OTOF: variants seen among roughly 807,000 people sequenced by gnomAD.
OTOF encodes the protein fer-1-like family member 2.
OTOF carries 218 observed loss-of-function variants against 236.8 expected under a neutral mutation model. That is an observed-to-expected ratio of 0.92 (90% CI 0.82 to 1.03). The LOEUF (loss-of-function observed/expected upper bound fraction) is 1.03, where lower values mean the gene tolerates loss of function less well. Among genes scored for constraint, OTOF ranks in the 50% least tolerant of loss-of-function variants. The pLI is 0.00. For missense variants in OTOF, 2,590 were observed against 2,694.4 expected (o/e 0.96, Z 0.86); for synonymous variants, 1,041 against 1,072.5 (o/e 0.97, Z 0.57).
chr2:26,480,512 G>C lies in OTOF; in HGVS notation c.1804-201C>G, dbSNP rs1449943088. 2.0e-5 allele frequency among the ~76,000 whole-genome samples: 3 copies of C among 152,366 alleles called. No homozygotes were observed. In the East Asian group the frequency reaches 5.8e-4, roughly 29 times the overall value. On this transcript the variant is annotated intron_variant, in intron 15 of 46. Coordinates refer to ENST00000272371, the MANE Select transcript of OTOF (RefSeq NM_194248.3). Reference sequence around the variant, plus strand: ...GCAGGGCTGGCTGCAGACACCACAGGGACAGCCGTGGCTGGGAAGAGGGGC... The same window carrying C: ...GCAGGGCTGGCTGCAGACACCACAGCGACAGCCGTGGCTGGGAAGAGGGGC...
In OTOF at chr2:26,558,626, G is replaced by GTGCTCCACCGGCTA; in HGVS notation, c.-56_-55insTAGCCGGTGGAGCA. ...CAGGAGCAGCGGGAAGGAGCTAGCC[G>GTGCTCCACCGGCTA]GTGGAGCACGGCTCACACGCCTCTC... is the stretch of plus-strand genomic sequence containing the variant. On this transcript the variant is annotated 5_prime_UTR_variant, in exon 1 of 47. Coordinates refer to ENST00000272371, the MANE Select transcript of OTOF (RefSeq NM_194248.3). 1.4e-6 allele frequency: 2 copies of GTGCTCCACCGGCTA among 1,444,740 alleles called. No individual in the cohort carries two copies. Among genetic ancestry groups the GTGCTCCACCGGCTA allele is most frequent in the Non-Finnish European group, 1.9e-6 (2 of 1,027,828 alleles). 89.5% of individuals were successfully genotyped at this position (1,444,740 alleles called of 1,614,324 possible). A position where few individuals can be genotyped will look rare whatever the true frequency, so the allele number is the denominator to read the frequency against.
intron 29 of OTOF, 132 bp from the exon 30 acceptor site, chr2:26,472,781 A>G: frequency 1.1e-6 from 1 of 934,414 alleles, no homozygotes; most frequent in Admixed American, 2.0e-5. Context: ...ACAGGCAGTC[A>G]AGGGAGAAAA....
intron 3 of OTOF, 55 bp from the exon 4 acceptor site, chr2:26,519,164 C>G (rs372795522): frequency 1.7e-6 from 2 of 1,157,662 alleles, no homozygotes; most frequent in East Asian, 5.0e-5. Flanking sequence ...GGGTGAGGAG[C>G]AAGACTGACA....
Position 26,557,723 on chromosome 2 carries a change from G to A in OTOF, c.79+770C>T, listed in dbSNP as rs555947722. Reference sequence around the variant, plus strand: ...TTACTTCCTCCGGGAAGCCTTCCCTGACCACCGGTCACCAGCCTGGGTGAG... The same window carrying A: ...TTACTTCCTCCGGGAAGCCTTCCCTAACCACCGGTCACCAGCCTGGGTGAG... On this transcript the variant is annotated intron_variant, in intron 1 of 46. Transcript: ENST00000272371. Among the ~76,000 whole-genome samples, 3 of 151,778 alleles carry A rather than the reference G, an allele frequency of 2.0e-5. No individual in the cohort carries two copies. In the South Asian group the frequency reaches 6.3e-4, roughly 32 times the overall value.
Position 26,457,544 on chromosome 2 carries a change from G to T in OTOF, c.*694C>A, listed in dbSNP as rs1558461012. 1.9e-5 allele frequency: 3 copies of T among 153,988 alleles called. No individual in the cohort carries two copies. Among genetic ancestry groups the T allele is most frequent in the Admixed American group, 6.4e-5 (1 of 15,504 alleles). The allele number at this position is 153,988 out of a possible 1,614,324, so 9.5% of individuals were successfully genotyped here. A position where few individuals can be genotyped will look rare whatever the true frequency, so the allele number is the denominator to read the frequency against. On this transcript the variant is annotated 3_prime_UTR_variant, in exon 47 of 47. Coordinates refer to ENST00000272371, the MANE Select transcript of OTOF (RefSeq NM_194248.3). The surrounding 1 kb of genome is among the most constrained non-coding windows in gnomAD (Gnocchi z 4.4). ...AGCAGTGGCAGAAGCAGCCGCGCTGGGACTTGTGGGCAGGGTCTGGCCCCT... is the reference window on the plus strand; with the variant it reads ...AGCAGTGGCAGAAGCAGCCGCGCTGTGACTTGTGGGCAGGGTCTGGCCCCT...
Position 26,463,795 on chromosome 2 carries a change from G to A in OTOF, c.5103+169C>T, listed in dbSNP as rs569996257. On this transcript the variant is annotated intron_variant, in intron 40 of 46. Coordinates refer to ENST00000272371, the MANE Select transcript of OTOF (RefSeq NM_194248.3). The stretch of plus-strand genomic sequence containing the variant: ...TGATGTAATTCTCACTCAAAGCAAA[G>A]ACCCTTGCCATTCAAGTTACCCTGA... 5.3e-5 allele frequency among the ~76,000 whole-genome samples: 8 copies of A among 152,338 alleles called. No homozygotes were observed. In the South Asian group the frequency reaches 1.7e-3, roughly 32 times the overall value.
intron 36 of OTOF, 95 bp from the exon 37 acceptor site, chr2:26,466,171 G>T: frequency 6.7e-7 from 1 of 1,491,960 alleles, no homozygotes; most frequent in Non-Finnish European, 9.2e-7. Context: ...TGACAGTGAA[G>T]GGCAGGGGCA....
chr2:26,464,380 G>C (rs1664629417), intron 39 of OTOF, among the ~76,000 whole-genome samples: 1 of 151,828 alleles, frequency 6.6e-6, no homozygotes, highest in Admixed American at 6.6e-5. Context: ...GGTCAGGGAG[G>C]GGAGAATCCA....
intron 8 of OTOF, among the ~76,000 whole-genome samples, chr2:26,499,548 C>A (rs1469166895): frequency 2.0e-5 from 3 of 152,000 alleles, no homozygotes; most frequent in Admixed American, 6.6e-5. Flanking sequence ...CCCTCTGTTG[C>A]CCAGGTTGGA....
chr2:26,484,773 T>G, intron 11 of OTOF, 140 bp from the exon 12 acceptor site: 1 of 807,056 alleles, frequency 1.2e-6, no homozygotes, highest in Admixed American at 2.2e-5. Flanking sequence ...CAGCTCTGCC[T>G]GTCCCTAGCC....
chr2:26,534,980 G>A (rs1276137524), intron 2 of OTOF, among the ~76,000 whole-genome samples: 2 of 152,254 alleles, frequency 1.3e-5, no homozygotes, highest in African/African-American at 2.4e-5. Context: ...CTGGGTCTAG[G>A]GAGAAAGGTT....
intron 8 of OTOF, among the ~76,000 whole-genome samples, chr2:26,496,447 C>T (rs1309224481): frequency 6.6e-6 from 1 of 151,894 alleles, no homozygotes; most frequent in African/African-American, 2.4e-5. Context: ...ACCATGTTGG[C>T]CAGGCTGGTC....
In OTOF at chr2:26,461,602, C is replaced by T. The variant is rs2148019721; in HGVS notation, c.5533+94G>A. ...GGACTGGAAGCAATGACCCCTTGTCCCCCCAAGGCAGGGCTCTCCCTGTCC... is the reference window on the plus strand; with the variant it reads ...GGACTGGAAGCAATGACCCCTTGTCTCCCCAAGGCAGGGCTCTCCCTGTCC... On this transcript the variant is annotated intron_variant, in intron 43 of 46. Transcript: ENST00000272371. This position sits in a 1 kb window ranked among gnomAD's most constrained non-coding sequence, Gnocchi z 6.2. The T allele has an allele frequency of 6.5e-7, 1 of 1,545,564 alleles. No homozygotes were observed. Among genetic ancestry groups the T allele is most frequent in the Non-Finnish European group, 8.8e-7 (1 of 1,132,694 alleles).
intron 1 of OTOF, among the ~76,000 whole-genome samples, chr2:26,543,688 T>C (rs4665336): frequency 0.6 from 91,730 of 152,132 alleles, 28,832 homozygotes; most frequent in Middle Eastern, 0.78. Context: ...GTCTACTAAA[T>C]AGTCTTGTTT....
chr2:26,510,703 A>G (rs1666364137), intron 5 of OTOF: 1 of 1,288,744 alleles, frequency 7.8e-7, no homozygotes. Context: ...TGGGACACCT[A>G]CTTGTGCTCG....
chr2:26,464,117 C>T lies in OTOF; in HGVS notation c.4961-11G>A, dbSNP rs765402275. 1.4e-5 allele frequency: 22 copies of T among 1,613,000 alleles called. No individual in the cohort carries two copies. The highest frequency in any genetic ancestry group is 1.6e-4 in the Middle Eastern group (1 of 6,074). ...TGGGCTTCCTCTGACCTGTGGGTGC[C>T]GGCGGCTCAGCTGCACACATGGCTC... On this transcript the variant is annotated splice_polypyrimidine_tract_variant and intron_variant, in intron 39 of 46. Coordinates refer to ENST00000272371, the MANE Select transcript of OTOF (RefSeq NM_194248.3).
chr2:26,459,896 TTGTG>T (rs1489354106), intron 46 of OTOF, 108 bp downstream of exon 46: 22 of 1,033,434 alleles, frequency 2.1e-5, no homozygotes, highest in Admixed American at 2.1e-5. Flanking sequence ...TTGTGTGTGT[TTGTG>T]TGCACATGTA....
At chr2:26,516,277 C>A in intron 5 of OTOF, 141 bp downstream of exon 5, 2 of 787,252 alleles carry the variant, frequency 2.5e-6, no homozygotes, top group Non-Finnish European at 4.2e-6. Flanking sequence ...CATCTTCCCA[C>A]CCCTTGGATG....
At chr2:26,535,754 C>G (rs1667054764) in intron 2 of OTOF, among the ~76,000 whole-genome samples, 1 of 152,194 alleles carries the variant, frequency 6.6e-6, no homozygotes, top group South Asian at 2.1e-4. Context: ...TCAAGCCCGG[C>G]CTGGCATGCA....
Sources: allele counts gnomAD v4.1 joint callset (sites outside exome capture counted in the v4.1 genomes callset), GRCh38; gene constraint gnomAD v4.1.1; non-coding constraint Gnocchi (gnomAD v3.1); transcripts MANE v1.5; gene names NCBI Gene and HGNC (gene_info 2026-07-23, HGNC 2026-07-21).